Variants in PPP2R5E observed in about 807,000 individuals in gnomAD.
PPP2R5E encodes the protein serine/threonine-protein phosphatase 2A 56 kDa regulatory subunit epsilon isoform.
A neutral mutation model predicts 65.3 loss-of-function variants in PPP2R5E; 4 were observed. That is an observed-to-expected ratio of 0.06 (90% confidence interval 0.03 to 0.14). The LOEUF (loss-of-function observed/expected upper bound fraction) is 0.14. Among genes scored for constraint, PPP2R5E ranks in the 10% least tolerant of loss-of-function variants. The probability of loss-of-function intolerance (pLI) is 1.00; values close to 1 mark genes in which losing one functional copy is unlikely to be tolerated. For missense variants in PPP2R5E, 274 were observed against 556.1 expected, an observed-to-expected ratio of 0.49 and a Z score of 5.10; for synonymous variants, 183 against 187.4, an observed-to-expected ratio of 0.98 and a Z score of 0.19.
chr14:63,375,849 T>C lies in PPP2R5E; in HGVS notation c.*160A>G. On this transcript the variant is annotated 3_prime_UTR_variant, in exon 14 of 14. Transcript: ENST00000337537. ...TTTGGATTGAAGTCCTTATTTTGTT[T>C]TTTCCTTTACTTAGAGACAGGTATA... 1 of 442,772 alleles carries C rather than the reference T, an allele frequency of 2.3e-6. No homozygotes were observed. Among genetic ancestry groups the C allele is most frequent in the Non-Finnish European group, 3.9e-6 (1 of 254,146 alleles). 27.4% of individuals were successfully genotyped at this position (442,772 alleles called of 1,614,324 possible). A position where few individuals can be genotyped will look rare whatever the true frequency, so the allele number is the denominator to read the frequency against.
intron 2 of PPP2R5E, chr14:63,508,118 T>A: frequency 1.0e-6 from 1 of 977,512 alleles, no homozygotes; most frequent in Non-Finnish European, 1.2e-6. Flanking sequence ...CACACACTTC[T>A]ACACACACGA....
chr14:63,465,874 G>T (rs983330557), intron 2 of PPP2R5E, among the ~76,000 whole-genome samples: 5 of 152,102 alleles, frequency 3.3e-5, no homozygotes, highest in African/African-American at 1.2e-4. Flanking sequence ...GTCAGGTTCA[G>T]AAGTATGAGA....
At chr14:63,529,226 T>A (rs928390275) in intron 2 of PPP2R5E, among the ~76,000 whole-genome samples, 1 of 152,182 alleles carries the variant, frequency 6.6e-6, no homozygotes, top group Admixed American at 6.5e-5. Context: ...CCCAAAGTGC[T>A]GGGATTACAG....
intron 2 of PPP2R5E, among the ~76,000 whole-genome samples, chr14:63,527,848 T>C (rs917054450): frequency 1.3e-5 from 2 of 151,802 alleles, no homozygotes; most frequent in Admixed American, 1.3e-4. Flanking sequence ...GGCAGAAGAA[T>C]TGCTTGAACC....
intron 2 of PPP2R5E, among the ~76,000 whole-genome samples, chr14:63,461,476 GAATAA>G (rs1889454921): frequency 1.3e-5 from 2 of 151,958 alleles, no homozygotes; most frequent in Non-Finnish European, 2.9e-5. Context: ...AACGATCATA[GAATAA>G]AAGACAATAC....
chr14:63,418,455 G>A (rs1239974345), intron 4 of PPP2R5E, among the ~76,000 whole-genome samples: 2 of 152,208 alleles, frequency 1.3e-5, no homozygotes, highest in Non-Finnish European at 2.9e-5. Context: ...TTAAGAGAAA[G>A]ATTCTACGTC....
intron 3 of PPP2R5E, 21 bp from the exon 4 acceptor site, chr14:63,422,115 G>C (rs1268267865): frequency 1.3e-6 from 2 of 1,583,118 alleles, no homozygotes; most frequent in East Asian, 4.5e-5. Context: ...ACAAGCAGCA[G>C]AGTTAACGGG....
At chr14:63,512,257 C>T (rs890330503) in intron 2 of PPP2R5E, among the ~76,000 whole-genome samples, 1 of 152,100 alleles carries the variant, frequency 6.6e-6, no homozygotes, top group African/African-American at 2.4e-5. Flanking sequence ...GATAGAGGAA[C>T]AGTTACGCTC....
chr14:63,502,451 G>A (rs1891936102), intron 2 of PPP2R5E, among the ~76,000 whole-genome samples: 1 of 152,110 alleles, frequency 6.6e-6, no homozygotes, highest in South Asian at 2.1e-4. Flanking sequence ...GCCGAGGCAG[G>A]CAAATCATGA....
intron 2 of PPP2R5E, among the ~76,000 whole-genome samples, chr14:63,484,175 C>T (rs2139605923): frequency 6.6e-6 from 1 of 152,086 alleles, no homozygotes; most frequent in East Asian, 1.9e-4. Flanking sequence ...GGGCCACTCC[C>T]TAAAGGCAGG....
chr14:63,485,255 C>T (rs1048426399), intron 2 of PPP2R5E, among the ~76,000 whole-genome samples: 7 of 151,410 alleles, frequency 4.6e-5, no homozygotes, highest in African/African-American at 1.7e-4. Context: ...TGTGAATACC[C>T]TCTTCCATTT....
At chr14:63,391,241 G>A (rs1048924498) in intron 10 of PPP2R5E, among the ~76,000 whole-genome samples, 1 of 152,160 alleles carries the variant, frequency 6.6e-6, no homozygotes, top group Non-Finnish European at 1.5e-5. Flanking sequence ...CAGGGTTTAG[G>A]AGTCAAGGAG....
At chr14:63,506,080 T>C (rs1892157791) in intron 2 of PPP2R5E, among the ~76,000 whole-genome samples, 1 of 152,068 alleles carries the variant, frequency 6.6e-6, no homozygotes, top group South Asian at 2.1e-4. Flanking sequence ...ACCCACTAAA[T>C]GGGAGAAAAT....
At chr14:63,419,925 T>A (rs1392884983) in intron 4 of PPP2R5E, among the ~76,000 whole-genome samples, 1 of 152,238 alleles carries the variant, frequency 6.6e-6, no homozygotes, top group Non-Finnish European at 1.5e-5. Flanking sequence ...ATGGTTAATA[T>A]TCCTGCAGTA....
At chr14:63,387,791 T>TC (rs1884759812) in intron 11 of PPP2R5E, among the ~76,000 whole-genome samples, 2 of 152,176 alleles carry the variant, frequency 1.3e-5, no homozygotes, top group African/African-American at 4.8e-5. Flanking sequence ...TTACATGAGC[T>TC]CATAAGGGTG....
chr14:63,531,105 T>C (rs1167242219), intron 2 of PPP2R5E, among the ~76,000 whole-genome samples: 1 of 152,050 alleles, frequency 6.6e-6, no homozygotes, highest in Admixed American at 6.6e-5. Flanking sequence ...GAGGCGGAGG[T>C]TGCAGAGAGC....
intron 5 of PPP2R5E, among the ~76,000 whole-genome samples, chr14:63,414,526 T>A (rs573073206): frequency 2.0e-5 from 3 of 152,208 alleles, no homozygotes; most frequent in African/African-American, 7.2e-5. Context: ...TTCAGTGCCA[T>A]GAAAGCACCC....
intron 5 of PPP2R5E, among the ~76,000 whole-genome samples, chr14:63,398,262 G>T (rs903322658): frequency 6.6e-6 from 1 of 152,072 alleles, no homozygotes; most frequent in Non-Finnish European, 1.5e-5. Flanking sequence ...AATTCATATG[G>T]AAATGCAAGA....
rs1461865418 is a variant in PPP2R5E at position 63,375,871 on chromosome 14, T to C, written c.*138A>G. On this transcript the variant is annotated 3_prime_UTR_variant, in exon 14 of 14. Coordinates refer to ENST00000337537, the MANE Select transcript of PPP2R5E (RefSeq NM_006246.5). ...GTTTTTTCCTTTACTTAGAGACAGG[T>C]ATATACAGTGCTGCTGTAATAATGA... The C allele has an allele frequency of 1.6e-6, 1 of 627,578 alleles. No homozygotes were observed. The highest frequency in any genetic ancestry group is 2.8e-6 in the Non-Finnish European group (1 of 361,474). The allele number at this position is 627,578 out of a possible 1,614,324, so 38.9% of individuals were successfully genotyped here.
Sources: allele counts gnomAD v4.1 joint callset (sites outside exome capture counted in the v4.1 genomes callset), GRCh38; gene constraint gnomAD v4.1.1; transcripts MANE v1.5; gene names NCBI Gene and HGNC (gene_info 2026-07-23, HGNC 2026-07-21).